Variants in NCOR2 observed in about 807,000 individuals in gnomAD.
NCOR2 encodes nuclear receptor corepressor 2.
In NCOR2, 81 loss-of-function variants were observed where a neutral mutation model predicts 262.9. The ratio of observed to expected loss-of-function variants is 0.31; its 90% CI spans 0.26 to 0.37. The LOEUF (loss-of-function observed/expected upper bound fraction) is 0.37, where lower values mean the gene tolerates loss of function less well. NCOR2 is among the 10% of genes least tolerant of loss of function. NCOR2 has a pLI of 1.00. For missense variants in NCOR2, 3,385 were observed against 3,621.4 expected, an observed-to-expected ratio of 0.93 and a Z score of 1.68; for synonymous variants, 1,659 against 1,559.3, an observed-to-expected ratio of 1.06 and a Z score of -1.51.
intron 6 of NCOR2, among the ~76,000 whole-genome samples, chr12:124,453,878 A>G (rs1453153522): frequency 6.6e-6 from 1 of 152,084 alleles, no homozygotes; most frequent in African/African-American, 2.4e-5. Context: ...CTCTGGTGCT[A>G]TTTTCATCCT....
chr12:124,534,582 C>T (rs182701788), intron 1 of NCOR2, among the ~76,000 whole-genome samples: 2 of 152,358 alleles, frequency 1.3e-5, no homozygotes, highest in East Asian at 3.9e-4. Flanking sequence ...CTCCCGACAA[C>T]AGCCTGTCAT....
intron 22 of NCOR2, among the ~76,000 whole-genome samples, chr12:124,358,292 C>T (rs1294523335): frequency 2.2e-5 from 3 of 139,028 alleles, no homozygotes; most frequent in African/African-American, 8.6e-5. Context: ...TGTGTATGTG[C>T]ACGTGCACGT....
chr12:124,477,153 T>C (rs2047144407), intron 3 of NCOR2, among the ~76,000 whole-genome samples: 1 of 152,172 alleles, frequency 6.6e-6, no homozygotes, highest in Non-Finnish European at 1.5e-5. Flanking sequence ...TCATCTTGAA[T>C]TGTAGTTCCC....
intron 4 of NCOR2, among the ~76,000 whole-genome samples, chr12:124,471,020 G>A (rs756186242): frequency 3.3e-5 from 5 of 152,204 alleles, no homozygotes; most frequent in Admixed American, 6.5e-5. Flanking sequence ...TGCCCACGCC[G>A]CTGGGGCCCG....
chr12:124,504,275 G>A lies in NCOR2; in HGVS notation c.-117-8907C>T, dbSNP rs1207217394. Among the ~76,000 whole-genome samples the A allele has an allele frequency of 1.3e-5, 2 of 152,192 alleles. No individual in the cohort carries two copies. Among genetic ancestry groups the A allele is most frequent in the Admixed American group, 6.5e-5 (1 of 15,278 alleles). On this transcript the variant is annotated intron_variant, in intron 1 of 46. Coordinates refer to the NCOR2 transcript ENST00000404621. The surrounding 1 kb of genome is among the most constrained non-coding windows in gnomAD (Gnocchi z 4.5). ...AAAGCTGGGGTGCCCGGAGCGTCTC[G>A]TCAGGTCCCAGACTTGCTCCCTCTG...
At chr12:124,417,314 G>GAC (rs1475212784) in intron 13 of NCOR2, among the ~76,000 whole-genome samples, 1 of 149,592 alleles carries the variant, frequency 6.7e-6, no homozygotes, top group East Asian at 2.0e-4. Context: ...CACTCTACTG[G>GAC]ACACTCACTC....
At chr12:124,466,823 C>G (rs1168344961) in intron 4 of NCOR2, among the ~76,000 whole-genome samples, 3 of 152,060 alleles carry the variant, frequency 2.0e-5, no homozygotes, top group Non-Finnish European at 4.4e-5. Flanking sequence ...CTCTCTAAGC[C>G]TTACCTTCCT....
rs2047461374 is a variant in NCOR2 at position 124,481,232 on chromosome 12, G to A, written c.411+2364C>T. Among the ~76,000 whole-genome samples, 1 of 152,018 alleles carries A rather than the reference G, an allele frequency of 6.6e-6. No homozygotes were observed. The highest frequency in any genetic ancestry group is 2.1e-4 in the South Asian group (1 of 4,834). The stretch of plus-strand genomic sequence containing the variant: ...GCAGGAAGGATGTGCTGGAAGGGTT[G>A]GGCGTCGGGGCAGGGATGCTGGCTG... On this transcript the variant is annotated intron_variant, in intron 3 of 46. Transcript: ENST00000405201. This position sits in a 1 kb window ranked among gnomAD's most constrained non-coding sequence, Gnocchi z 4.6.
At chr12:124,338,459 G>GA (rs2036081266) in intron 37 of NCOR2, among the ~76,000 whole-genome samples, 1 of 145,932 alleles carries the variant, frequency 6.9e-6, no homozygotes, top group African/African-American at 2.6e-5. Flanking sequence ...AGTAAGCAGA[G>GA]ATCGTACCAC....
chr12:124,501,939 C>T (rs143697576), intron 1 of NCOR2, among the ~76,000 whole-genome samples: 190 of 152,348 alleles, frequency 1.2e-3, no homozygotes, highest in Non-Finnish European at 2.2e-3. Flanking sequence ...GGGGGGAACT[C>T]TGGGACAGCA....
At chr12:124,327,678 G>C (rs1274927185) in intron 44 of NCOR2, 45 bp from the exon 47 acceptor site, 1 of 1,493,746 alleles carries the variant, frequency 6.7e-7, no homozygotes, top group Admixed American at 1.8e-5. Flanking sequence ...TGGGGGCCGG[G>C]GAGGGGGAGC....
At chr12:124,425,141 G>A (rs191879692) in intron 11 of NCOR2, among the ~76,000 whole-genome samples, 81 of 152,286 alleles carry the variant, frequency 5.3e-4, no homozygotes, top group Middle Eastern at 6.8e-3. Context: ...TTGGGAGGCC[G>A]AGACGGGCGG....
exon 20 of NCOR2, chr12:124,372,138 C>T (rs766805843): frequency 6.2e-7 from 1 of 1,601,628 alleles, no homozygotes; most frequent in South Asian, 1.1e-5. Flanking sequence ...CGCTCCCGCC[C>T]TCCTTCTTCT....
At chr12:124,529,480 A>G (rs1004965859) in intron 1 of NCOR2, among the ~76,000 whole-genome samples, 1 of 152,212 alleles carries the variant, frequency 6.6e-6, no homozygotes, top group Non-Finnish European at 1.5e-5. Flanking sequence ...TCTCAAAAAA[A>G]ATAAAAAATA....
At chr12:124,411,471 G>T (rs1243690062) in intron 13 of NCOR2, among the ~76,000 whole-genome samples, 2 of 152,154 alleles carry the variant, frequency 1.3e-5, no homozygotes, top group East Asian at 3.9e-4. Context: ...GGCTGTTCCC[G>T]TCTCAGTGTC....
At chr12:124,486,502 T>C (rs1427366386) in exon 2 of NCOR2, 5 of 1,609,548 alleles carry the variant, frequency 3.1e-6, no homozygotes, top group African/African-American at 2.7e-5. Flanking sequence ...GGCTGGATGA[T>C]GGAGCCGGGC....
intron 27 of NCOR2, among the ~76,000 whole-genome samples, chr12:124,351,738 C>A (rs1213232293): frequency 1.3e-5 from 1 of 78,990 alleles, no homozygotes; most frequent in African/African-American, 5.3e-5. Context: ...CTTTCTGAGC[C>A]TCAGTTTGCA....
chr12:124,405,667 G>C (rs1172269480), intron 13 of NCOR2, among the ~76,000 whole-genome samples: 3 of 152,224 alleles, frequency 2.0e-5, no homozygotes, highest in Admixed American at 6.5e-5. Flanking sequence ...CCGGGAGGCC[G>C]AGGGACTGAT....
At chr12:124,471,767 A>G (rs557908711) in intron 4 of NCOR2, among the ~76,000 whole-genome samples, 2 of 152,298 alleles carry the variant, frequency 1.3e-5, no homozygotes, top group South Asian at 4.1e-4. Flanking sequence ...GGGTCTCGCT[A>G]TGTTGCCCAC....
Sources: allele counts gnomAD v4.1 joint callset (sites outside exome capture counted in the v4.1 genomes callset), GRCh38; gene constraint gnomAD v4.1.1; non-coding constraint Gnocchi (gnomAD v3.1); transcripts MANE v1.5; gene names NCBI Gene and HGNC (gene_info 2026-07-23, HGNC 2026-07-21).